Variants in UBR4 observed in about 807,000 individuals in gnomAD.
The protein encoded by UBR4 is E3 ubiquitin-protein ligase UBR4.
A neutral mutation model predicts 575.6 loss-of-function variants in UBR4; 124 were observed. That is an observed-to-expected ratio of 0.22 (90% CI 0.19 to 0.25). The LOEUF (loss-of-function observed/expected upper bound fraction) is 0.25. Ranked by LOEUF, UBR4 falls within the 10% of genes least tolerant of loss-of-function variation. UBR4 has a pLI of 1.00. For missense variants in UBR4, 4,818 were observed against 6,478.8 expected (o/e 0.74, Z 8.80); for synonymous variants, 2,455 against 2,473.7 (o/e 0.99, Z 0.22).
At chr1:19,197,383 C>A (rs1206517079) in intron 7 of UBR4, 118 bp from the exon 8 acceptor site, 5 of 1,413,438 alleles carry the variant, frequency 3.5e-6, no homozygotes, top group Non-Finnish European at 4.8e-6. Flanking sequence ...AATTCCGACA[C>A]TTCAGGAGGC....
intron 97 of UBR4, 154 bp downstream of exon 97, chr1:19,092,665 A>G: frequency 1.8e-6 from 1 of 563,256 alleles, no homozygotes. Context: ...AATACAACTT[A>G]CTTCTCTCAG....
At chr1:19,086,429 C>T (rs1381002316) in intron 100 of UBR4, among the ~76,000 whole-genome samples, 159 bp from the exon 101 acceptor site, 1 of 152,244 alleles carries the variant, frequency 6.6e-6, no homozygotes, top group Non-Finnish European at 1.5e-5. Context: ...TATTTGTAGC[C>T]TCAATGTGGT....
rs2148423989 is a variant in UBR4, at chr1:19,077,790, A to G, written c.15324+186T>C. The G allele has an allele frequency of 2.6e-6, 4 of 1,529,886 alleles. No individual in the cohort carries two copies. In the East Asian group the frequency reaches 1.0e-4, roughly 38 times the overall value. The allele number at this position is 1,529,886 out of a possible 1,614,324, so 94.8% of individuals were successfully genotyped here. ...ACCAAACAAAACAAATGTACCTCAC[A>G]GACACAAGGCTCCAGGCTGCCAGTG... is the stretch of plus-strand genomic sequence containing the variant. On this transcript the variant is annotated intron_variant, in intron 104 of 105. Coordinates refer to ENST00000375254, the MANE Select transcript of UBR4 (RefSeq NM_020765.3).
At chr1:19,206,614 G>A (rs1263691433) in intron 1 of UBR4, among the ~76,000 whole-genome samples, 1 of 152,046 alleles carries the variant, frequency 6.6e-6, no homozygotes, top group Non-Finnish European at 1.5e-5. Context: ...GAGATTACAG[G>A]CGTGAGCCAC....
intron 1 of UBR4, among the ~76,000 whole-genome samples, chr1:19,208,091 G>A (rs528812519): frequency 6.6e-6 from 1 of 152,280 alleles, no homozygotes; most frequent in East Asian, 1.9e-4. Flanking sequence ...TTTTTCTTTA[G>A]ATCATACTCC....
At chr1:19,131,687 A>G (rs1461417308) in intron 60 of UBR4, among the ~76,000 whole-genome samples, 3 of 152,220 alleles carry the variant, frequency 2.0e-5, no homozygotes, top group African/African-American at 4.8e-5. Context: ...CAGCCTGACC[A>G]ACATGGAGAA....
chr1:19,129,778 T>TA (rs2082222181), intron 60 of UBR4, among the ~76,000 whole-genome samples: 1 of 152,154 alleles, frequency 6.6e-6, no homozygotes, highest in South Asian at 2.1e-4. Context: ...GAAAATTAAT[T>TA]AAAGTCCTAC....
chr1:19,120,109 C>T, intron 69 of UBR4, 71 bp downstream of exon 69: 2 of 1,553,910 alleles, frequency 1.3e-6, no homozygotes, highest in Non-Finnish European at 1.8e-6. Flanking sequence ...TAACCGAAAA[C>T]AAAATAGAAC....
intron 1 of UBR4, 53 bp downstream of exon 1, chr1:19,210,020 C>T: frequency 6.7e-7 from 1 of 1,486,292 alleles, no homozygotes; most frequent in East Asian, 2.9e-5. Flanking sequence ...CGATCCGGCT[C>T]GAAATCCCCT....
At chr1:19,175,080 T>C (rs1313330002) in intron 20 of UBR4, 47 bp from the exon 21 acceptor site, 5 of 1,518,306 alleles carry the variant, frequency 3.3e-6, no homozygotes, top group East Asian at 2.3e-5. Context: ...TTCTTAACTC[T>C]ATCTGACTAG....
At chr1:19,187,656 C>G in intron 11 of UBR4, 116 bp from the exon 12 acceptor site, 1 of 925,560 alleles carries the variant, frequency 1.1e-6, no homozygotes. Flanking sequence ...CTCTGTGGAC[C>G]TTCAGAAAAA....
In UBR4 at chr1:19,128,292, C is replaced by T; in HGVS notation, c.9030G>A (p.Leu3010=). 6.2e-7 allele frequency: 1 copy of T among 1,613,972 alleles called. No homozygotes were observed. Among genetic ancestry groups the T allele is most frequent in the Non-Finnish European group, 8.5e-7 (1 of 1,179,932 alleles). Residue 3010 remains leucine (L), a synonymous_variant, in exon 62 of 106, where the codon CTG becomes CTA. Coordinates refer to ENST00000375254, the MANE Select transcript of UBR4 (RefSeq NM_020765.3). ...MQVILMLTTD[L]DGEDEKDKGA... is the part of the protein sequence containing the mutation. Reference sequence around the variant, plus strand: ...CCTTGTCTTTCTCATCTTCTCCATCCAGATCTGTAGTGAGCATTAGAATGA... The same window carrying T: ...CCTTGTCTTTCTCATCTTCTCCATCTAGATCTGTAGTGAGCATTAGAATGA...
intron 103 of UBR4, chr1:19,078,337 G>C (rs796908776): frequency 2.8e-5 from 10 of 361,032 alleles, no homozygotes; most frequent in African/African-American, 2.1e-4. Flanking sequence ...TGGAACCGGG[G>C]GAGACATCGC....
rs367876842 is a variant in UBR4, at chr1:19,121,447, G to C, written c.9896-13C>G. ...AAGTACAGGACGGCTGCAAGCAGAGGAGACAGAGGCTCACCTCTGAGACGA... is the reference window on the plus strand; with the variant it reads ...AAGTACAGGACGGCTGCAAGCAGAGCAGACAGAGGCTCACCTCTGAGACGA... On this transcript the variant is annotated splice_polypyrimidine_tract_variant and intron_variant, in intron 67 of 105. Coordinates refer to ENST00000375254, the MANE Select transcript of UBR4 (RefSeq NM_020765.3). The C allele has an allele frequency of 1.2e-6, 2 of 1,610,106 alleles. No homozygotes were observed. Among genetic ancestry groups the C allele is most frequent in the Non-Finnish European group, 1.7e-6 (2 of 1,177,242 alleles).
Position 19,093,733 on chromosome 1 carries a change from T to C in UBR4, c.13937+216A>G, listed in dbSNP as rs6696208. ...GCTCCATCTCGTCATATTCCTCCCA[T>C]CTCACCAACCACTTTGCCTTCTCTG... On this transcript the variant is annotated intron_variant, in intron 95 of 105. Transcript: ENST00000375254. This position sits in a 1 kb window ranked among gnomAD's most constrained non-coding sequence, Gnocchi z 4.8. Among the ~76,000 whole-genome samples the C allele has an allele frequency of 0.051, 7,747 of 152,210 alleles. 498 individuals are homozygous for C. The highest frequency in any genetic ancestry group is 0.15 in the African/African-American group (6,370 of 41,510).
intron 57 of UBR4, 47 bp downstream of exon 57, chr1:19,141,300 C>T (rs748898048): frequency 1.9e-5 from 30 of 1,612,988 alleles, no homozygotes; most frequent in Non-Finnish European, 2.5e-5. Context: ...ACCCTCTTTT[C>T]CTGTGCAAGG....
intron 14 of UBR4, among the ~76,000 whole-genome samples, chr1:19,186,228 G>A (rs1055514204): frequency 1.3e-5 from 2 of 152,176 alleles, no homozygotes; most frequent in African/African-American, 2.4e-5. Flanking sequence ...AAAGCTTAGA[G>A]CAGAGGTCAC....
rs367994231 is a variant in UBR4 at position 19,093,526 on chromosome 1, G to A, written c.13938-40C>T. The A allele has an allele frequency of 3.5e-5, 56 of 1,600,660 alleles. No homozygotes were observed. Among genetic ancestry groups the A allele is most frequent in the East Asian group, 3.1e-4 (14 of 44,722 alleles). The stretch of plus-strand genomic sequence containing the variant: ...CAGAGTTTGAGGGTGTGAAAGGCGG[G>A]ACAAAACCCAGTCATGTCACCCTCT... On this transcript the variant is annotated intron_variant, in intron 95 of 105. Coordinates refer to ENST00000375254, the MANE Select transcript of UBR4 (RefSeq NM_020765.3). The surrounding 1 kb of genome is among the most constrained non-coding windows in gnomAD (Gnocchi z 4.8).
rs754028479 is a variant in UBR4, at chr1:19,170,846, T to C, written c.3559A>G (p.Thr1187Ala). 5 of 1,614,204 alleles carry C rather than the reference T, an allele frequency of 3.1e-6. No homozygotes were observed. In the East Asian group the frequency reaches 1.1e-4, roughly 36 times the overall value. ...LLQNFNEEGT[T>A]EKPSKEKLQG... is the part of the protein sequence containing the mutation. ...AGTTTCTCCTTGGAAGGTTTCTCAG[T>C]TGTTCCCTCTTCATTAAAGTTTTGC... Residue 1187 changes from threonine (T) to alanine (A), a missense_variant, in exon 26 of 106, where the codon ACT becomes GCT. Around this residue, in one of 29 missense-constraint regions of UBR4, gnomAD observed 1,172 missense variants for 1,259.7 expected, o/e 0.93. Coordinates refer to ENST00000375254, the MANE Select transcript of UBR4 (RefSeq NM_020765.3).
Sources: allele counts gnomAD v4.1 joint callset (sites outside exome capture counted in the v4.1 genomes callset), GRCh38; gene constraint gnomAD v4.1.1; regional missense constraint gnomAD v4.1.1; non-coding constraint Gnocchi (gnomAD v3.1); transcripts MANE v1.5; gene names NCBI Gene and HGNC (gene_info 2026-07-23, HGNC 2026-07-21).